Variants in SVEP1 observed in about 807,000 individuals in gnomAD.
SVEP1 encodes sushi, von Willebrand factor type A, EGF and pentraxin domain containing 1.
SVEP1 carries 164 observed loss-of-function variants against 367.3 expected under a neutral mutation model. The observed-to-expected ratio is 0.45, with a 90% CI of 0.39 to 0.51. The LOEUF (loss-of-function observed/expected upper bound fraction) is 0.51, where lower values mean the gene tolerates loss of function less well. Ranked by LOEUF, SVEP1 falls within the 20% of genes least tolerant of loss-of-function variation. The pLI, the probability that SVEP1 is intolerant of heterozygous loss-of-function variation, is 0.00. For synonymous variants in SVEP1, 1,666 were observed against 1,611.6 expected (o/e 1.03, Z -0.81); for missense variants, 4,117 against 4,425.3 (o/e 0.93, Z 1.98).
At chr9:110,473,433 T>C (rs2118677200) in intron 14 of SVEP1, among the ~76,000 whole-genome samples, 1 of 144,864 alleles carries the variant, frequency 6.9e-6, no homozygotes, top group Non-Finnish European at 1.6e-5. Flanking sequence ...CATTTATGCA[T>C]ATGTGCATAC....
chr9:110,556,767 G>A (rs566360768), intron 1 of SVEP1, among the ~76,000 whole-genome samples: 5 of 152,244 alleles, frequency 3.3e-5, no homozygotes, highest in African/African-American at 1.2e-4. Context: ...GGGATTACAA[G>A]TGTGAGCCAC....
intron 35 of SVEP1, among the ~76,000 whole-genome samples, chr9:110,428,761 C>T (rs113592599): frequency 6.0e-5 from 8 of 133,076 alleles, no homozygotes; most frequent in African/African-American, 1.5e-4. Context: ...CAGCCAGTCA[C>T]GTACAAATGA....
At chr9:110,384,659 A>G (rs1827492613) in intron 43 of SVEP1, among the ~76,000 whole-genome samples, 1 of 151,596 alleles carries the variant, frequency 6.6e-6, no homozygotes, top group Admixed American at 6.6e-5. Context: ...TGAGACTCTT[A>G]ACAAATGACA....
chr9:110,573,777 G>T (rs1449381011), intron 1 of SVEP1, among the ~76,000 whole-genome samples: 2 of 152,188 alleles, frequency 1.3e-5, no homozygotes, highest in African/African-American at 4.8e-5. Flanking sequence ...CAAGAAAAAG[G>T]TCGTTATGAG....
At chr9:110,376,077 G>T (rs1295701449) in intron 45 of SVEP1, among the ~76,000 whole-genome samples, 1 of 152,182 alleles carries the variant, frequency 6.6e-6, no homozygotes, top group Non-Finnish European at 1.5e-5. Flanking sequence ...CTGTTTAAAA[G>T]ATGTGAGTTT....
At chr9:110,523,474 AC>A (rs1388169948) in intron 3 of SVEP1, among the ~76,000 whole-genome samples, 2 of 152,188 alleles carry the variant, frequency 1.3e-5, no homozygotes, top group Admixed American at 1.3e-4. Flanking sequence ...TAAACAGAAA[AC>A]AAAAAATTAA....
chr9:110,461,006 GT>G (rs964620108), intron 18 of SVEP1, among the ~76,000 whole-genome samples: 1 of 151,998 alleles, frequency 6.6e-6, no homozygotes, highest in Non-Finnish European at 1.5e-5. Flanking sequence ...CTACTTGCTT[GT>G]TTTTTGTATT....
At chr9:110,483,092 G>T (rs1490885237) in intron 10 of SVEP1, among the ~76,000 whole-genome samples, 1 of 152,154 alleles carries the variant, frequency 6.6e-6, no homozygotes, top group Non-Finnish European at 1.5e-5. Context: ...CTTAAATTAA[G>T]AAATTACTTA....
At chr9:110,483,445 A>G in intron 10 of SVEP1, 141 bp downstream of exon 10, 1 of 466,016 alleles carries the variant, frequency 2.1e-6, no homozygotes, top group South Asian at 4.9e-5. Context: ...TTCTAGCATT[A>G]AAACATGTTA....
chr9:110,392,115 T>C (rs1192878410), intron 40 of SVEP1, among the ~76,000 whole-genome samples: 3 of 127,696 alleles, frequency 2.3e-5, no homozygotes, highest in Non-Finnish European at 4.9e-5. Context: ...CTCCATTAAC[T>C]TGTGACCCAA....
At chr9:110,393,173 T>G (rs1192514656) in intron 40 of SVEP1, among the ~76,000 whole-genome samples, 1 of 152,208 alleles carries the variant, frequency 6.6e-6, no homozygotes, top group Non-Finnish European at 1.5e-5. Context: ...TATATTACTT[T>G]TCTTCTTAAT....
chr9:110,379,268 T>C, intron 44 of SVEP1, 79 bp downstream of exon 44: 1 of 1,478,316 alleles, frequency 6.8e-7, no homozygotes, highest in Non-Finnish European at 9.1e-7. Context: ...GTATGCATAT[T>C]AATTGCTGGA....
At chr9:110,437,738 C>T (rs1164187782) in intron 27 of SVEP1, among the ~76,000 whole-genome samples, 1 of 152,106 alleles carries the variant, frequency 6.6e-6, no homozygotes, top group Non-Finnish European at 1.5e-5. Context: ...GCACCCATCA[C>T]CTGAGCTGTG....
intron 16 of SVEP1, 119 bp downstream of exon 16, chr9:110,471,245 A>G (rs1169579368): frequency 7.2e-6 from 6 of 833,182 alleles, no homozygotes; most frequent in Non-Finnish European, 1.1e-5. Flanking sequence ...AATAACAACC[A>G]CACAACAAGA....
intron 13 of SVEP1, among the ~76,000 whole-genome samples, chr9:110,477,479 A>G (rs1369936445): frequency 6.6e-6 from 1 of 152,066 alleles, no homozygotes; most frequent in Non-Finnish European, 1.5e-5. Flanking sequence ...ATCTTACTAC[A>G]TTTCTTTAGC....
intron 1 of SVEP1, among the ~76,000 whole-genome samples, chr9:110,578,774 G>A (rs10121091): frequency 0.1 from 15,193 of 152,160 alleles, 813 homozygotes; most frequent in African/African-American, 0.12. Context: ...CAGGGTCCTC[G>A]AAGCCGACTA....
Position 110,427,673 on chromosome 9 carries a change from C to G in SVEP1, c.5893G>C (p.Glu1965Gln). The G allele has an allele frequency of 6.2e-7, 1 of 1,613,932 alleles. No individual in the cohort carries two copies. The change falls in exon 36 of 48, where the codon GAA becomes CAA. Residue 1965 changes from glutamate (E) to glutamine (Q), a missense_variant. This residue lies in a region of SVEP1 where 2,174 missense variants were observed against 2,494.3 expected (regional missense o/e 0.87). Transcript: ENST00000374469. The part of the protein sequence containing the change: ...PPACHLVFCG[E>Q]PPAIKDAVIT... ...ACAGCATCTTTGATGGCAGGTGGTTCTCCACAGAAGACGAGGTGACAGGCA... is the reference window on the plus strand; with the variant it reads ...ACAGCATCTTTGATGGCAGGTGGTTGTCCACAGAAGACGAGGTGACAGGCA...
At chr9:110,495,854 G>T (rs1829437387) in intron 8 of SVEP1, among the ~76,000 whole-genome samples, 2 of 152,210 alleles carry the variant, frequency 1.3e-5, no homozygotes, top group South Asian at 2.1e-4. Context: ...CAAGCTTGAA[G>T]AAGAAACACC....
At chr9:110,470,360 C>A (rs1828997461) in intron 16 of SVEP1, among the ~76,000 whole-genome samples, 1 of 151,938 alleles carries the variant, frequency 6.6e-6, no homozygotes, top group Non-Finnish European at 1.5e-5. Flanking sequence ...GTGAACTTCA[C>A]CTCAATTAAA....
Sources: allele counts gnomAD v4.1 joint callset (sites outside exome capture counted in the v4.1 genomes callset), GRCh38; gene constraint gnomAD v4.1.1; regional missense constraint gnomAD v4.1.1; transcripts MANE v1.5; gene names NCBI Gene and HGNC (gene_info 2026-07-23, HGNC 2026-07-21).